Variants in PDCD1LG2 observed in about 807,000 individuals in gnomAD.
The protein encoded by PDCD1LG2 is programmed cell death 1 ligand 2, also known as B7 dendritic cell molecule.
In PDCD1LG2, 32 loss-of-function variants were observed where a neutral mutation model predicts 28.2. That is an observed-to-expected ratio of 1.13 (90% CI 0.86 to 1.52). The LOEUF is 1.52. Ranked by LOEUF, PDCD1LG2 falls within the 40% of genes most tolerant of loss-of-function variation. PDCD1LG2 has a pLI of 0.00. For synonymous variants in PDCD1LG2, 116 were observed against 120.2 expected (o/e 0.97, Z 0.23); for missense variants, 385 against 323.8 (o/e 1.19, Z -1.45).
intron 3 of PDCD1LG2, among the ~76,000 whole-genome samples, chr9:5,548,822 G>A (rs1052168241): frequency 5.9e-5 from 9 of 152,158 alleles, no homozygotes; most frequent in African/African-American, 2.2e-4. Context: ...CAGAGGAAAG[G>A]AGGAAGTAAA....
At chr9:5,558,001 T>C (rs1816481019) in intron 5 of PDCD1LG2, among the ~76,000 whole-genome samples, 1 of 152,262 alleles carries the variant, frequency 6.6e-6, no homozygotes, top group Non-Finnish European at 1.5e-5. Context: ...GAGTTTGTCT[T>C]ATTCTTTGAG....
At chr9:5,561,426 A>G (rs1816560852) in intron 5 of PDCD1LG2, among the ~76,000 whole-genome samples, 1 of 152,196 alleles carries the variant, frequency 6.6e-6, no homozygotes, top group Non-Finnish European at 1.5e-5. Flanking sequence ...AAGTTATATG[A>G]CTTCCCAAAG....
chr9:5,529,055 T>G (rs764697851), intron 2 of PDCD1LG2, among the ~76,000 whole-genome samples: 11 of 152,254 alleles, frequency 7.2e-5, no homozygotes, highest in Non-Finnish European at 1.3e-4. Flanking sequence ...TAGATACAAG[T>G]TCTTTATCAG....
chr9:5,512,265 T>C (rs1820075365), intron 1 of PDCD1LG2, among the ~76,000 whole-genome samples: 1 of 152,218 alleles, frequency 6.6e-6, no homozygotes, highest in Admixed American at 6.5e-5. Flanking sequence ...CCTGCTCCAC[T>C]GTAGCTGGGC....
At chr9:5,511,110 C>T (rs141981518) in intron 1 of PDCD1LG2, among the ~76,000 whole-genome samples, 7 of 152,256 alleles carry the variant, frequency 4.6e-5, no homozygotes, top group Admixed American at 1.3e-4. Flanking sequence ...TTAGAGTTTT[C>T]GGAGGCTTAA....
intron 3 of PDCD1LG2, among the ~76,000 whole-genome samples, chr9:5,541,266 G>A (rs1449779295): frequency 2.0e-5 from 3 of 152,122 alleles, no homozygotes. Flanking sequence ...ATGCTGAATG[G>A]GGAAAAGTTG....
intron 2 of PDCD1LG2, among the ~76,000 whole-genome samples, chr9:5,531,993 T>A (rs1820492843): frequency 6.6e-6 from 1 of 152,210 alleles, no homozygotes; most frequent in African/African-American, 2.4e-5. Context: ...AGGGACTTAA[T>A]AACTCAAGTA....
At position 5,563,059 on chromosome 9, in the gene PDCD1LG2, G is replaced by A. The variant is rs749306309; in HGVS notation, c.767-103G>A. 7.0e-5 allele frequency: 69 copies of A among 988,874 alleles called. 1 individual carries two copies. Among genetic ancestry groups the A allele is most frequent in the Non-Finnish European group, 1.0e-4 (65 of 649,454 alleles). 61.3% of individuals were successfully genotyped at this position (988,874 alleles called of 1,614,324 possible). A position where few individuals can be genotyped will look rare whatever the true frequency, so the allele number is the denominator to read the frequency against. ...ACAGTGAACATTTGGGCTTCGCTAT[G>A]TGGATTTATTTAGATTTACTTTTTG... On this transcript the variant is annotated intron_variant, in intron 5 of 6. Transcript: ENST00000397747.
intron 2 of PDCD1LG2, 39 bp from the exon 3 acceptor site, chr9:5,534,705 TA>T: frequency 6.5e-7 from 1 of 1,542,318 alleles, no homozygotes; most frequent in Non-Finnish European, 8.8e-7. Context: ...GAATGTAAAG[TA>T]AAGGCAGACA....
Position 5,563,180 on chromosome 9 carries a change from T to C in PDCD1LG2, c.785T>C (p.Val262Ala). Residue 262 changes from valine (V) to alanine (A), a missense_variant, in exon 6 of 7, where the codon GTC becomes GCC. Coordinates refer to ENST00000397747, the MANE Select transcript of PDCD1LG2 (RefSeq NM_025239.4). ...TTTTCAGACACAACAAAAAGACCTGTCACCACAACAAAGAGGGAAGTGAAC... is the reference window on the plus strand; with the variant it reads ...TTTTCAGACACAACAAAAAGACCTGCCACCACAACAAAGAGGGAAGTGAAC... ...YSSKDTTKRP[V>A]TTTKREVNSA... 1 of 1,612,668 alleles carries C rather than the reference T, an allele frequency of 6.2e-7. No homozygotes were observed. Among genetic ancestry groups the C allele is most frequent in the African/African-American group, 1.3e-5 (1 of 75,020 alleles).
intron 4 of PDCD1LG2, 53 bp from the exon 5 acceptor site, chr9:5,557,565 G>C (rs2129919748): frequency 6.2e-7 from 1 of 1,603,492 alleles, no homozygotes; most frequent in Non-Finnish European, 8.5e-7. Context: ...CAGCCTGTTG[G>C]TCTACCTCTT....
intron 4 of PDCD1LG2, among the ~76,000 whole-genome samples, chr9:5,555,563 G>A (rs780713163): frequency 6.6e-6 from 1 of 152,228 alleles, no homozygotes; most frequent in African/African-American, 2.4e-5. Context: ...CGAGACAGAA[G>A]TATCTTTCGT....
intron 1 of PDCD1LG2, 114 bp from the exon 2 acceptor site, chr9:5,522,419 G>A (rs1302185339): frequency 1.4e-5 from 10 of 738,388 alleles, no homozygotes; most frequent in Non-Finnish European, 2.3e-5. Flanking sequence ...ACTCTACCAT[G>A]GTCTGTCACC....
chr9:5,553,888 T>G (rs927171264), intron 4 of PDCD1LG2, among the ~76,000 whole-genome samples: 1 of 152,190 alleles, frequency 6.6e-6, no homozygotes, highest in African/African-American at 2.4e-5. Flanking sequence ...CTCTGCTTCA[T>G]TAACCATCCC....
intron 3 of PDCD1LG2, among the ~76,000 whole-genome samples, chr9:5,538,675 G>A (rs555678131): frequency 2.0e-4 from 30 of 149,876 alleles, no homozygotes; most frequent in Middle Eastern, 3.4e-3. Context: ...GCGACAGAGC[G>A]AGACTCTGTC....
chr9:5,519,856 T>G (rs946123848), intron 1 of PDCD1LG2, among the ~76,000 whole-genome samples: 3 of 152,230 alleles, frequency 2.0e-5, no homozygotes, highest in African/African-American at 7.2e-5. Flanking sequence ...TTAGGAATTT[T>G]CCCAGATTTC....
intron 1 of PDCD1LG2, among the ~76,000 whole-genome samples, chr9:5,512,707 G>C (rs1393109117): frequency 6.6e-6 from 1 of 151,840 alleles, no homozygotes; most frequent in African/African-American, 2.4e-5. Flanking sequence ...CCAAACTCTG[G>C]ACCTACAATT....
At chr9:5,553,717 A>C (rs2129901240) in intron 4 of PDCD1LG2, among the ~76,000 whole-genome samples, 1 of 152,310 alleles carries the variant, frequency 6.6e-6, no homozygotes, top group East Asian at 1.9e-4. Flanking sequence ...CATGGGAGAG[A>C]CCTGTGGGGT....
Position 5,563,195 on chromosome 9 carries a change from G to T in PDCD1LG2, c.800G>T (p.Arg267Met), listed in dbSNP as rs760375462. The change falls in exon 6 of 7, where the codon AGG becomes ATG. Residue 267 changes from arginine (R) to methionine (M), a missense_variant. Transcript: ENST00000397747. ...TTKRPVTTTK[R>M]EVNSAI ...AAAAGACCTGTCACCACAACAAAGAGGGAAGTGAACAGTGCTGTGAGTAAG... is the reference window on the plus strand; with the variant it reads ...AAAAGACCTGTCACCACAACAAAGATGGAAGTGAACAGTGCTGTGAGTAAG... The T allele has an allele frequency of 1.2e-6, 2 of 1,612,608 alleles. No individual in the cohort carries two copies. Among genetic ancestry groups the T allele is most frequent in the South Asian group, 2.2e-5 (2 of 90,986 alleles).
Sources: allele counts gnomAD v4.1 joint callset (sites outside exome capture counted in the v4.1 genomes callset), GRCh38; gene constraint gnomAD v4.1.1; transcripts MANE v1.5; gene names NCBI Gene and HGNC (gene_info 2026-07-23, HGNC 2026-07-21).